EXOC6B: variants seen among roughly 807,000 people sequenced by gnomAD.
The protein encoded by EXOC6B is exocyst complex component 6B.
EXOC6B carries 54 observed loss-of-function variants against 113.5 expected under a neutral mutation model. That is an observed-to-expected ratio of 0.48 (90% CI 0.38 to 0.60). The LOEUF is 0.60. EXOC6B is among the 20% of genes least tolerant of loss of function. The probability of loss-of-function intolerance (pLI) is 0.00; values close to 1 mark genes in which losing one functional copy is unlikely to be tolerated. For missense variants in EXOC6B, 797 were observed against 977.5 expected, an observed-to-expected ratio of 0.82 and a Z score of 2.46; for synonymous variants, 357 against 339.0, an observed-to-expected ratio of 1.05 and a Z score of -0.58.
chr2:72,693,804 T>TACTTACCTTCCTCTTTCC (rs1057181282), intron 6 of EXOC6B, among the ~76,000 whole-genome samples: 2 of 152,286 alleles, frequency 1.3e-5, no homozygotes, highest in African/African-American at 4.8e-5. Context: ...CCTATTTATC[T>TACTTACCTTCCTCTTTCC]ACTTACCTTC....
Position 72,184,203 on chromosome 2 carries a change from AC to A in EXOC6B, c.2197-17del. On this transcript the variant is annotated splice_polypyrimidine_tract_variant and intron_variant, in intron 20 of 21. Coordinates refer to ENST00000272427, the MANE Select transcript of EXOC6B (RefSeq NM_015189.3). ...GATCCAAAAGCTGTAAAATATCCAA[AC>A]CCCACCCCAGGGATTAGTCAGACAG... 1 of 1,404,152 alleles carries A rather than the reference AC, an allele frequency of 7.1e-7. No individual in the cohort carries two copies. Among genetic ancestry groups the A allele is most frequent in the Non-Finnish European group, 9.9e-7 (1 of 1,012,962 alleles). 87.0% of individuals were successfully genotyped at this position (1,404,152 alleles called of 1,614,324 possible).
chr2:72,714,771 GAA>G (rs1466059063), intron 6 of EXOC6B, among the ~76,000 whole-genome samples: 1 of 152,178 alleles, frequency 6.6e-6, no homozygotes, highest in Non-Finnish European at 1.5e-5. Flanking sequence ...AAAGAAGCAT[GAA>G]GCAAGGGCTA....
chr2:72,641,712 T>C (rs1025748509), intron 6 of EXOC6B, among the ~76,000 whole-genome samples: 2 of 152,196 alleles, frequency 1.3e-5, no homozygotes, highest in Admixed American at 6.5e-5. Context: ...GAGAGCTGTG[T>C]TCTCTAAGCA....
At chr2:72,285,189 A>C (rs1473340002) in intron 20 of EXOC6B, among the ~76,000 whole-genome samples, 1 of 152,128 alleles carries the variant, frequency 6.6e-6, no homozygotes, top group African/African-American at 2.4e-5. Context: ...GAACTAAGTC[A>C]GACTTTGTTC....
intron 18 of EXOC6B, among the ~76,000 whole-genome samples, chr2:72,406,230 T>G (rs1457824332): frequency 6.6e-6 from 1 of 152,110 alleles, no homozygotes; most frequent in Non-Finnish European, 1.5e-5. Context: ...ACAAAGAGAC[T>G]TAGACTCCCA....
intron 18 of EXOC6B, among the ~76,000 whole-genome samples, chr2:72,421,711 G>A (rs1694875576): frequency 6.6e-6 from 1 of 152,238 alleles, no homozygotes; most frequent in African/African-American, 2.4e-5. Flanking sequence ...CCTCTGCCTG[G>A]GCTCCCACTT....
chr2:72,694,902 A>C (rs1677757561), intron 6 of EXOC6B, among the ~76,000 whole-genome samples: 2 of 152,234 alleles, frequency 1.3e-5, no homozygotes, highest in Admixed American at 1.3e-4. Flanking sequence ...CATTTTAATC[A>C]GTATCACATA....
rs1472896284 is a variant in EXOC6B at position 72,176,245 on chromosome 2, T to C, written c.*3090A>G. On this transcript the variant is annotated 3_prime_UTR_variant, in exon 22 of 22. Transcript: ENST00000272427. ...TTTCCAACACCTTTGTGAAAAGTAA[T>C]TGTGAATGCAGGCAAAAAAAAAAAA... The C allele has an allele frequency of 2.0e-5, 3 of 148,818 alleles. No homozygotes were observed. Among genetic ancestry groups the C allele is most frequent in the African/African-American group, 7.4e-5 (3 of 40,290 alleles). The allele number at this position is 148,818 out of a possible 1,614,324, so 9.2% of individuals were successfully genotyped here.
intron 8 of EXOC6B, among the ~76,000 whole-genome samples, chr2:72,521,827 G>C (rs762940127): frequency 6.6e-6 from 1 of 152,124 alleles, no homozygotes; most frequent in South Asian, 2.1e-4. Flanking sequence ...CTCCTGAGTA[G>C]CTGGGACTAT....
intron 7 of EXOC6B, among the ~76,000 whole-genome samples, chr2:72,567,416 A>G (rs1420427655): frequency 6.6e-6 from 1 of 152,054 alleles, no homozygotes; most frequent in Non-Finnish European, 1.5e-5. Context: ...TACTCTGGAA[A>G]CCAGAATATT....
chr2:72,638,812 C>T (rs752373289), intron 6 of EXOC6B, among the ~76,000 whole-genome samples: 11 of 152,152 alleles, frequency 7.2e-5, no homozygotes, highest in African/African-American at 1.2e-4. Flanking sequence ...TCCCCCTAGG[C>T]TCAACGTGCT....
At chr2:72,290,294 A>G (rs150408543) in intron 20 of EXOC6B, among the ~76,000 whole-genome samples, 12 of 152,218 alleles carry the variant, frequency 7.9e-5, no homozygotes, top group Non-Finnish European at 1.6e-4. Flanking sequence ...TCTTTTATAG[A>G]CTCTTGTTTC....
chr2:72,317,144 T>C (rs1322653334), intron 20 of EXOC6B, among the ~76,000 whole-genome samples: 2 of 145,556 alleles, frequency 1.4e-5, no homozygotes, highest in Non-Finnish European at 1.5e-5. Context: ...GCTACCATGA[T>C]AATTGTGGTT....
intron 7 of EXOC6B, among the ~76,000 whole-genome samples, chr2:72,564,404 T>G (rs964315190): frequency 2.0e-5 from 3 of 152,220 alleles, no homozygotes; most frequent in African/African-American, 4.8e-5. Context: ...ACTAATTATT[T>G]GAGTACAAAA....
chr2:72,802,614 G>C (rs1465794695), intron 1 of EXOC6B, among the ~76,000 whole-genome samples: 1 of 151,966 alleles, frequency 6.6e-6, no homozygotes, highest in Non-Finnish European at 1.5e-5. Context: ...TTTTCTGTAT[G>C]GTTTAAATTG....
intron 1 of EXOC6B, among the ~76,000 whole-genome samples, chr2:72,752,468 GA>G (rs1171041895): frequency 3.3e-5 from 5 of 149,332 alleles, no homozygotes; most frequent in South Asian, 2.1e-4. Context: ...TTATTTTAAA[GA>G]AAAAAAAATG....
intron 6 of EXOC6B, among the ~76,000 whole-genome samples, chr2:72,654,127 G>C (rs531767840): frequency 6.6e-6 from 1 of 151,898 alleles, no homozygotes; most frequent in Non-Finnish European, 1.5e-5. Flanking sequence ...CCACCATCGC[G>C]CCCGGCTAAT....
At chr2:72,798,717 T>A (rs1685113799) in intron 1 of EXOC6B, among the ~76,000 whole-genome samples, 2 of 152,080 alleles carry the variant, frequency 1.3e-5, no homozygotes, top group Admixed American at 6.5e-5. Flanking sequence ...CCACAAAAGA[T>A]AGGGAACACA....
rs1336006525 is a variant in EXOC6B at position 72,806,067 on chromosome 2, G to A, written c.113+19731C>T. Among the ~76,000 whole-genome samples, 3 of 151,908 alleles carry A rather than the reference G, an allele frequency of 2.0e-5. No homozygotes were observed. The East Asian group carries it at 5.8e-4, about 29-fold the overall frequency. ...TTTCATTTTAGATTCAGGGGTACAT[G>A]TGCAGGTTTGTTAATGGGTATATAG... On this transcript the variant is annotated intron_variant, in intron 1 of 21. Coordinates refer to ENST00000272427, the MANE Select transcript of EXOC6B (RefSeq NM_015189.3).
Sources: gnomAD v4.1 joint callset for allele counts (sites outside exome capture counted in the v4.1 genomes callset) on GRCh38, gnomAD v4.1.1 for gene constraint, MANE v1.5 for transcripts, NCBI Gene and HGNC (gene_info 2026-07-23, HGNC 2026-07-21) for gene names.